Variants in CNTNAP2 observed in about 807,000 individuals in gnomAD.
The protein encoded by CNTNAP2 is contactin-associated protein-like 2.
A neutral mutation model predicts 155.2 loss-of-function variants in CNTNAP2; 98 were observed. The ratio of observed to expected loss-of-function variants is 0.63; its 90% CI spans 0.54 to 0.75. The LOEUF (loss-of-function observed/expected upper bound fraction) is 0.75, where lower values mean the gene tolerates loss of function less well. Among genes scored for constraint, CNTNAP2 ranks in the 30% least tolerant of loss-of-function variants. CNTNAP2 has a pLI of 0.00. For missense variants in CNTNAP2, 1,727 were observed against 1,688.1 expected, an observed-to-expected ratio of 1.02 and a Z score of -0.40; for synonymous variants, 651 against 631.2, an observed-to-expected ratio of 1.03 and a Z score of -0.47.
intron 13 of CNTNAP2, among the ~76,000 whole-genome samples, chr7:147,678,192 T>C (rs536396828): frequency 1.1e-4 from 16 of 151,952 alleles, no homozygotes; most frequent in African/African-American, 3.9e-4. Flanking sequence ...AGCCTTCAGT[T>C]TAGCTCATCA....
chr7:146,374,191 A>AAT lies in CNTNAP2; in HGVS notation c.97+257219_97+257220insTA, dbSNP rs139962949. Reference sequence around the variant, plus strand: ...AAAGTTGTATATGTGATTATGAAAAAAAAAGTGGCTTTAAATGTTCTAATT... The same window carrying AAT: ...AAAGTTGTATATGTGATTATGAAAAAATAAAAGTGGCTTTAAATGTTCTAATT... On this transcript the variant is annotated intron_variant, in intron 1 of 23. Coordinates refer to ENST00000361727, the MANE Select transcript of CNTNAP2 (RefSeq NM_014141.6). Among the ~76,000 whole-genome samples the AAT allele has an allele frequency of 9.6e-3, 1,467 of 152,312 alleles. 23 individuals carry two copies. Among genetic ancestry groups the AAT allele is most frequent in the African/African-American group, 0.032 (1,351 of 41,572 alleles).
intron 10 of CNTNAP2, among the ~76,000 whole-genome samples, chr7:147,470,802 G>A (rs1303197036): frequency 6.6e-6 from 1 of 151,344 alleles, no homozygotes; most frequent in Non-Finnish European, 1.5e-5. Context: ...TGGGGTGGAG[G>A]GCAGGTAATT....
intron 1 of CNTNAP2, among the ~76,000 whole-genome samples, chr7:146,296,685 A>G (rs35264792): frequency 1.3e-5 from 2 of 152,140 alleles, no homozygotes; most frequent in African/African-American, 4.8e-5. Flanking sequence ...CTGGTAATTA[A>G]CAATACAAAC....
intron 8 of CNTNAP2, among the ~76,000 whole-genome samples, chr7:147,267,734 T>G (rs1165288360): frequency 6.6e-6 from 1 of 152,230 alleles, no homozygotes; most frequent in African/African-American, 2.4e-5. Flanking sequence ...GCCATAAAAT[T>G]TGTACTTAAT....
chr7:147,327,754 A>G (rs889421779), intron 9 of CNTNAP2, among the ~76,000 whole-genome samples: 2 of 152,176 alleles, frequency 1.3e-5, no homozygotes, highest in African/African-American at 4.8e-5. Flanking sequence ...GGGACTTAAG[A>G]AAAGCTCTCT....
At chr7:147,505,582 A>G (rs1216306202) in intron 11 of CNTNAP2, among the ~76,000 whole-genome samples, 2 of 152,224 alleles carry the variant, frequency 1.3e-5, no homozygotes, top group African/African-American at 4.8e-5. Context: ...AGGGACAGAA[A>G]CAATGCAAAA....
intron 14 of CNTNAP2, among the ~76,000 whole-genome samples, chr7:147,913,959 C>T (rs937427501): frequency 1.3e-5 from 2 of 152,006 alleles, no homozygotes; most frequent in Non-Finnish European, 2.9e-5. Context: ...AAAACTTGAA[C>T]ACTACATTCT....
chr7:147,501,900 A>T (rs1798821316), intron 11 of CNTNAP2, among the ~76,000 whole-genome samples: 3 of 152,204 alleles, frequency 2.0e-5, no homozygotes, highest in Non-Finnish European at 4.4e-5. Context: ...ATCATACAAA[A>T]ATCAGTTTTG....
chr7:147,242,546 C>T (rs1300415722), intron 8 of CNTNAP2, among the ~76,000 whole-genome samples: 1 of 152,170 alleles, frequency 6.6e-6, no homozygotes, highest in East Asian at 1.9e-4. Flanking sequence ...CTAGCCTTTC[C>T]CTTTTCAGAT....
chr7:147,576,154 C>A (rs1800392953), intron 12 of CNTNAP2, among the ~76,000 whole-genome samples: 1 of 151,878 alleles, frequency 6.6e-6, no homozygotes, highest in Non-Finnish European at 1.5e-5. Context: ...GGATTCTAGA[C>A]TGATCAAGGG....
chr7:147,141,736 A>G (rs1372388294), intron 8 of CNTNAP2, among the ~76,000 whole-genome samples: 1 of 152,088 alleles, frequency 6.6e-6, no homozygotes, highest in Non-Finnish European at 1.5e-5. Flanking sequence ...GTGGAATATG[A>G]CACATCTGAA....
At chr7:148,363,251 G>T (rs559153383) in intron 21 of CNTNAP2, among the ~76,000 whole-genome samples, 1 of 152,184 alleles carries the variant, frequency 6.6e-6, no homozygotes, top group African/African-American at 2.4e-5. Context: ...CCTAAGTGCC[G>T]GGATTACAGG....
At chr7:146,822,842 C>A (rs942950895) in intron 2 of CNTNAP2, among the ~76,000 whole-genome samples, 1 of 149,306 alleles carries the variant, frequency 6.7e-6, no homozygotes, top group Non-Finnish European at 1.5e-5. Flanking sequence ...TAAATATACT[C>A]GTTCTTCAGC....
At chr7:147,073,011 C>T (rs564198595) in intron 4 of CNTNAP2, among the ~76,000 whole-genome samples, 1 of 151,504 alleles carries the variant, frequency 6.6e-6, no homozygotes, top group African/African-American at 2.4e-5. Flanking sequence ...CGCCACCACG[C>T]CCGGCTAATT....
chr7:146,174,840 TCAAA>T (rs1231757609), intron 1 of CNTNAP2, among the ~76,000 whole-genome samples: 1 of 152,032 alleles, frequency 6.6e-6, no homozygotes, highest in African/African-American at 2.4e-5. Flanking sequence ...GAGACTCATC[TCAAA>T]CAAACAAACA....
rs564586895 is a variant in CNTNAP2, at chr7:148,400,233, T to C, written c.3716-9158T>C. On this transcript the variant is annotated intron_variant, in intron 22 of 23. Coordinates refer to ENST00000361727, the MANE Select transcript of CNTNAP2 (RefSeq NM_014141.6). ...TGTCCCTGACATTCAGAGCCCTGCA[T>C]GCATAGGAAGTGACAGCCCCTTCCG... Among the ~76,000 whole-genome samples, 7 of 152,344 alleles carry C rather than the reference T, an allele frequency of 4.6e-5. No individual in the cohort carries two copies. The South Asian group carries it at 1.5e-3, about 32-fold the overall frequency.
chr7:147,998,906 A>G (rs1474077396), intron 15 of CNTNAP2, among the ~76,000 whole-genome samples: 1 of 152,230 alleles, frequency 6.6e-6, no homozygotes, highest in Non-Finnish European at 1.5e-5. Context: ...TAATTAAAAT[A>G]TTAAACTCTT....
At chr7:146,229,926 G>A (rs1799357216) in intron 1 of CNTNAP2, among the ~76,000 whole-genome samples, 1 of 151,996 alleles carries the variant, frequency 6.6e-6, no homozygotes. Flanking sequence ...TTTTGAATAT[G>A]GTTTACTAAA....
chr7:146,507,186 C>T (rs984598636), intron 1 of CNTNAP2, among the ~76,000 whole-genome samples: 1 of 152,202 alleles, frequency 6.6e-6, no homozygotes, highest in African/African-American at 2.4e-5. Flanking sequence ...TCCTGTCACA[C>T]TCTCACAAGC....
Sources: allele counts gnomAD v4.1 joint callset (sites outside exome capture counted in the v4.1 genomes callset), GRCh38; gene constraint gnomAD v4.1.1; transcripts MANE v1.5; gene names NCBI Gene and HGNC (gene_info 2026-07-23, HGNC 2026-07-21).